PLA2G5: variants seen among roughly 807,000 people sequenced by gnomAD.
PLA2G5 encodes Ca2+-dependent phospholipase A2.
PLA2G5 carries 12 observed loss-of-function variants against 15.9 expected under a neutral mutation model. The observed-to-expected ratio is 0.76, with a 90% CI of 0.48 to 1.23. The LOEUF (loss-of-function observed/expected upper bound fraction) is 1.23. Ranked by LOEUF, PLA2G5 falls within the 50% of genes most tolerant of loss-of-function variation. The pLI, the probability that PLA2G5 is intolerant of heterozygous loss-of-function variation, is 0.00. For synonymous variants in PLA2G5, 71 were observed against 71.4 expected (o/e 0.99, Z 0.03); for missense variants, 169 against 177.1 (o/e 0.95, Z 0.26).
intron 1 of PLA2G5, among the ~76,000 whole-genome samples, chr1:20,081,444 G>T (rs769975081): frequency 7.2e-5 from 11 of 151,954 alleles, no homozygotes; most frequent in Admixed American, 5.2e-4. Context: ...AGAAGAAGGC[G>T]TGCTTCCACC....
intron 1 of PLA2G5, among the ~76,000 whole-genome samples, chr1:20,073,927 A>G (rs2015525072): frequency 6.6e-6 from 1 of 152,098 alleles, no homozygotes; most frequent in African/African-American, 2.4e-5. Context: ...ATAACAAAGA[A>G]CAAGATGAAC....
upstream of PLA2G5, among the ~76,000 whole-genome samples, chr1:20,068,475 G>A (rs1449052041): frequency 2.1e-5 from 3 of 140,586 alleles, no homozygotes; most frequent in Admixed American, 7.4e-5. Context: ...TTTTTGAGAT[G>A]GGATCTTACT....
At chr1:20,069,015 A>T, upstream of PLA2G5, 1 of 1,037,994 alleles carries the variant, frequency 9.6e-7, no homozygotes, top group Non-Finnish European at 1.3e-6. Flanking sequence ...TTGAAGAAGA[A>T]ATCCAAATGG....
At chr1:20,053,216 C>T (rs1368135563) in intron 1 of PLA2G5, among the ~76,000 whole-genome samples, 1 of 152,156 alleles carries the variant, frequency 6.6e-6, no homozygotes, top group Non-Finnish European at 1.5e-5. Context: ...TTCTCTTTTT[C>T]AATTTATAAC....
chr1:20,030,219 C>G (rs550107966), intron 1 of PLA2G5, among the ~76,000 whole-genome samples: 1 of 151,860 alleles, frequency 6.6e-6, no homozygotes, highest in South Asian at 2.1e-4. Flanking sequence ...ATCACTATCT[C>G]TACTATCTCG....
chr1:20,046,445 C>G (rs2013906431), intron 1 of PLA2G5, among the ~76,000 whole-genome samples: 2 of 152,182 alleles, frequency 1.3e-5, no homozygotes, highest in African/African-American at 4.8e-5. Flanking sequence ...TGTTTACTTC[C>G]TATCTTAAAA....
At chr1:20,068,953 G>A (rs1230305072), upstream of PLA2G5, 1 of 1,288,842 alleles carries the variant, frequency 7.8e-7, no homozygotes, top group South Asian at 1.2e-5. Context: ...GACCCGGATG[G>A]AAGTTAGGAC....
intron 1 of PLA2G5, among the ~76,000 whole-genome samples, chr1:20,038,207 C>T (rs1179288407): frequency 1.3e-5 from 2 of 152,110 alleles, no homozygotes; most frequent in South Asian, 2.1e-4. Context: ...GCTTTTAGGC[C>T]CTGCCCTTCC....
chr1:20,043,953 C>T (rs1005851421), intron 1 of PLA2G5, among the ~76,000 whole-genome samples: 10 of 152,192 alleles, frequency 6.6e-5, no homozygotes, highest in African/African-American at 2.2e-4. Context: ...AAGTCTTCAG[C>T]CACTAAGCTG....
intron 2 of PLA2G5, among the ~76,000 whole-genome samples, chr1:20,060,169 C>CATGCTTTT (rs753835099): frequency 6.6e-6 from 1 of 151,776 alleles, no homozygotes; most frequent in Non-Finnish European, 1.5e-5. Context: ...ACTGTAAAGC[C>CATGCTTTT]ATGCTTTTGG....
chr1:20,028,775 C>A (rs963685581), intron 1 of PLA2G5: 1 of 152,274 alleles, frequency 6.6e-6, no homozygotes, highest in African/African-American at 2.4e-5. Flanking sequence ...AAAGAGGTAA[C>A]CTGCTATCAC....
chr1:20,029,447 T>G (rs371965373), intron 1 of PLA2G5, among the ~76,000 whole-genome samples: 89 of 151,964 alleles, frequency 5.9e-4, no homozygotes, highest in African/African-American at 1.8e-3. Context: ...CTGTGTGTTC[T>G]TCCGCTGATC....
intron 1 of PLA2G5, among the ~76,000 whole-genome samples, chr1:20,048,853 C>A (rs932152754): frequency 6.6e-6 from 1 of 152,012 alleles, no homozygotes; most frequent in African/African-American, 2.4e-5. Context: ...TACTTGTAGA[C>A]AAATGTCACA....
chr1:20,039,693 C>G (rs572014520), intron 1 of PLA2G5, among the ~76,000 whole-genome samples: 1 of 151,830 alleles, frequency 6.6e-6, no homozygotes, highest in Non-Finnish European at 1.5e-5. Flanking sequence ...GAGAGAGAAG[C>G]CATTTTTTGT....
At chr1:20,083,501 T>G (rs2016134475) in intron 1 of PLA2G5, among the ~76,000 whole-genome samples, 1 of 151,726 alleles carries the variant, frequency 6.6e-6, no homozygotes, top group Non-Finnish European at 1.5e-5. Context: ...ACAAGGACTT[T>G]GGATCCTAGG....
chr1:20,072,752 G>T (rs2015447443), intron 1 of PLA2G5, among the ~76,000 whole-genome samples: 1 of 152,170 alleles, frequency 6.6e-6, no homozygotes. Context: ...CTGCTGGGGA[G>T]CTATCAGGGA....
chr1:20,065,228 A>T (rs546714627), upstream of PLA2G5, among the ~76,000 whole-genome samples: 4 of 152,320 alleles, frequency 2.6e-5, no homozygotes, highest in South Asian at 8.3e-4. Flanking sequence ...AACATCATGA[A>T]TTAGTGTGGC....
chr1:20,054,464 C>T (rs187785367), intron 1 of PLA2G5, among the ~76,000 whole-genome samples: 78 of 152,192 alleles, frequency 5.1e-4, no homozygotes, highest in Non-Finnish European at 9.0e-4. Context: ...ATGATGGATA[C>T]GAGACCATAG....
chr1:20,086,603 C>A (rs1341540663), intron 3 of PLA2G5, among the ~76,000 whole-genome samples: 1 of 152,172 alleles, frequency 6.6e-6, no homozygotes, highest in South Asian at 2.1e-4. Context: ...CATCTCCTGG[C>A]CTAGGAGCGG....
Sources: allele counts gnomAD v4.1 joint callset (sites outside exome capture counted in the v4.1 genomes callset), GRCh38; gene constraint gnomAD v4.1.1; transcripts MANE v1.5; gene names NCBI Gene and HGNC (gene_info 2026-07-23, HGNC 2026-07-21).